The following ATP13A3 variants were observed in gnomAD, a reference collection of about 807,000 sequenced individuals.
The protein encoded by ATP13A3 is polyamine-transporting ATPase 13A3.
ATP13A3 carries 59 observed loss-of-function variants against 158.1 expected under a neutral mutation model. The observed-to-expected ratio is 0.37, with a 90% CI of 0.30 to 0.46. The LOEUF is 0.46. ATP13A3 is among the 20% of genes least tolerant of loss of function. The pLI is 1.00. For synonymous variants in ATP13A3, 491 were observed against 504.3 expected (o/e 0.97, Z 0.35); for missense variants, 1,166 against 1,525.2 (o/e 0.76, Z 3.92).
rs187953409 is a variant in ATP13A3, at chr3:194,494,117, C to G, written n.679G>C. ...GGGCCAAACTCTTGACCACTATAAC[C>G]AAATGAAGCCAGAGTGATTCACCAG... On this transcript the variant is annotated non_coding_transcript_exon_variant, in exon 2 of 33. Coordinates refer to the ATP13A3 transcript ENST00000687055. This position sits in a 1 kb window ranked among gnomAD's most constrained non-coding sequence, Gnocchi z 4.2. 443 of 398,548 alleles carry G rather than the reference C, an allele frequency of 1.1e-3. 2 individuals are homozygous for G. Among genetic ancestry groups the G allele is most frequent in the Non-Finnish European group, 1.6e-3 (359 of 226,062 alleles). 24.7% of individuals were successfully genotyped at this position (398,548 alleles called of 1,614,324 possible).
chr3:194,448,463 T>C lies in ATP13A3; in HGVS notation c.1144A>G (p.Arg382Gly), dbSNP rs922590049. The C allele has an allele frequency of 6.2e-7, 1 of 1,613,618 alleles. No individual in the cohort carries two copies. The highest frequency in any genetic ancestry group is 1.3e-5 in the African/African-American group (1 of 75,038). Reference sequence around the variant, plus strand: ...TAATTAAGATGTTTCCTACCTGTTCTAACAACTATGGCTTTGACGAGTTCT... The same window carrying C: ...TAATTAAGATGTTTCCTACCTGTTCCAACAACTATGGCTTTGACGAGTTCT... ...TGELVKAIVV[R>G]TGFSTSKGQL... is the part of the protein sequence containing the mutation. Residue 382 changes from arginine (R) to glycine (G), a missense_variant, in exon 12 of 34, where the codon AGA becomes GGA. Physicochemically the swap from Arg to Gly is moderately radical, Grantham distance 125. Transcript: ENST00000645319. The surrounding 1 kb of genome is among the most constrained non-coding windows in gnomAD (Gnocchi z 4.0).
In ATP13A3 at chr3:194,403,405, T is replaced by G. The variant is rs934248172; in HGVS notation, c.*2514A>C. On this transcript the variant is annotated 3_prime_UTR_variant, in exon 34 of 34. Transcript: ENST00000645319. ...TGCTAGAAGATACAAAACATATAGTTACCACTATTTATACTTGAGGGAGAA... is the reference window on the plus strand; with the variant it reads ...TGCTAGAAGATACAAAACATATAGTGACCACTATTTATACTTGAGGGAGAA... 6.6e-6 allele frequency: 1 copy of G among 152,334 alleles called. No individual in the cohort carries two copies. Among genetic ancestry groups the G allele is most frequent in the South Asian group, 2.1e-4 (1 of 4,828 alleles). 9.4% of individuals were successfully genotyped at this position (152,334 alleles called of 1,614,324 possible).
rs1721169786 is a variant in ATP13A3 at position 194,493,565 on chromosome 3, TGAACCCG to T, written n.746+478_746+484del. On this transcript the variant is annotated intron_variant and non_coding_transcript_variant, in intron 2 of 32. Transcript: ENST00000687055. ...AGGAGGCTGAGGTGGGAGAATCGCA[TGAACCCG>T]GAGGTGGAGGTTTGCAGTGAGCTGA... 7.2e-5 allele frequency among the ~76,000 whole-genome samples: 11 copies of T among 152,198 alleles called. 1 individual carries two copies. In the South Asian group the frequency reaches 2.3e-3, roughly 32 times the overall value.
intron 20 of ATP13A3, among the ~76,000 whole-genome samples, chr3:194,434,734 T>C (rs549410236): frequency 4.6e-5 from 7 of 152,252 alleles, no homozygotes; most frequent in Admixed American, 6.5e-5. Context: ...CTGGGCAGCA[T>C]AGTGAGACCC....
chr3:194,441,168 G>C (rs992161954), intron 16 of ATP13A3, 143 bp downstream of exon 16: 1 of 685,930 alleles, frequency 1.5e-6, no homozygotes, highest in Non-Finnish European at 2.3e-6. Context: ...AGTTGATGTA[G>C]CTTTAGAAAT....
At chr3:194,432,535 ATGACCT>A (rs1717302025) in intron 21 of ATP13A3, among the ~76,000 whole-genome samples, 1 of 152,198 alleles carries the variant, frequency 6.6e-6, no homozygotes, top group Admixed American at 6.5e-5. Context: ...ATATCTTCCT[ATGACCT>A]TTGGTACACA....
intron 7 of ATP13A3, 67 bp from the exon 8 acceptor site, chr3:194,456,029 G>C: frequency 1.0e-6 from 1 of 996,818 alleles, no homozygotes; most frequent in South Asian, 1.8e-5. Context: ...GAAAGGCATT[G>C]TATTAGGTAA....
In ATP13A3 at chr3:194,416,233, G is replaced by A. The variant is rs1229846751; in HGVS notation, c.3403-2394C>T. ...CCAGCACTTTGGGAGGCCACGGTGGGTGGATCGTGAGGTCAGGAGTTCGAT... is the reference window on the plus strand; with the variant it reads ...CCAGCACTTTGGGAGGCCACGGTGGATGGATCGTGAGGTCAGGAGTTCGAT... On this transcript the variant is annotated intron_variant, in intron 31 of 33. Coordinates refer to ENST00000645319, the MANE Select transcript of ATP13A3 (RefSeq NM_001367549.1). Among the ~76,000 whole-genome samples, 6 of 152,312 alleles carry A rather than the reference G, an allele frequency of 3.9e-5. 1 individual carries two copies. In the Middle Eastern group the frequency reaches 0.02, roughly 518 times the overall value.
chr3:194,479,484 GA>G (rs1235790900), intron 2 of ATP13A3, among the ~76,000 whole-genome samples: 7 of 151,802 alleles, frequency 4.6e-5, no homozygotes, highest in African/African-American at 1.5e-4. Flanking sequence ...AACTACAGAT[GA>G]AAATTGTAAA....
intron 2 of ATP13A3, among the ~76,000 whole-genome samples, chr3:194,479,698 TA>T (rs1313627429): frequency 2.6e-5 from 4 of 151,152 alleles, no homozygotes; most frequent in Middle Eastern, 3.5e-3. Context: ...AAGTCTTCTT[TA>T]AAAAAAAAGT....
At chr3:194,417,985 A>AAGGAAGGAAGGAAGGAAGGG (rs1422778675) in intron 31 of ATP13A3, among the ~76,000 whole-genome samples, 5 of 88,186 alleles carry the variant, frequency 5.7e-5, no homozygotes, top group East Asian at 6.3e-4. Context: ...GGAAGGAAGG[A>AAGGAAGGAAGGAAGGAAGGG]AGGGAGGGAG....
At position 194,437,717 on chromosome 3, in the gene ATP13A3, C is replaced by T. The variant is rs570387899; in HGVS notation, c.1828-144G>A. 213 of 790,730 alleles carry T rather than the reference C, an allele frequency of 2.7e-4. 2 individuals carry two copies. The African/African-American group carries it at 3.4e-3, about 12-fold the overall frequency. 49.0% of individuals were successfully genotyped at this position (790,730 alleles called of 1,614,324 possible). ...TTTTCAAAGTCAGGATTCAAGATTC[C>T]TTCTATACTACTTCCCATTTTTAAA... On this transcript the variant is annotated intron_variant, in intron 17 of 33. Transcript: ENST00000645319.
At chr3:194,475,277 T>G (rs1720477424) in intron 2 of ATP13A3, among the ~76,000 whole-genome samples, 1 of 152,208 alleles carries the variant, frequency 6.6e-6, no homozygotes, top group South Asian at 2.1e-4. Flanking sequence ...TACTGTGCAA[T>G]TTGAAACAAA....
At chr3:194,451,923 T>G (rs1191351586) in intron 10 of ATP13A3, 1 of 152,346 alleles carries the variant, frequency 6.6e-6, no homozygotes, top group Non-Finnish European at 1.5e-5. Context: ...TGAACTCATT[T>G]CTTTTCATCT....
rs1720993334 is a variant in ATP13A3, at chr3:194,486,657, C to G, written c.-180G>C. ...CAGGGACCGCGGGGGACCCGGCCGC[C>G]GCTGTCGCCGCCGCCGCCTCGCCTC... On this transcript the variant is annotated 5_prime_UTR_variant, in exon 1 of 34. Coordinates refer to ENST00000645319, the MANE Select transcript of ATP13A3 (RefSeq NM_001367549.1). 1 of 148,678 alleles carries G rather than the reference C, an allele frequency of 6.7e-6. No homozygotes were observed. Among genetic ancestry groups the G allele is most frequent in the African/African-American group, 2.4e-5 (1 of 40,948 alleles). 9.2% of individuals were successfully genotyped at this position (148,678 alleles called of 1,614,324 possible).
At chr3:194,419,503 T>C (rs1386148705) in intron 31 of ATP13A3, among the ~76,000 whole-genome samples, 2 of 152,144 alleles carry the variant, frequency 1.3e-5, no homozygotes, top group Non-Finnish European at 2.9e-5. Flanking sequence ...ATTTCATTAC[T>C]CAGAAAGTTT....
At chr3:194,450,071 G>C in intron 11 of ATP13A3, 74 bp downstream of exon 11, 2 of 1,474,850 alleles carry the variant, frequency 1.4e-6, no homozygotes, top group South Asian at 2.4e-5. Context: ...AGCTAATTTT[G>C]AAAAGGCTTA....
At chr3:194,446,885 C>A in intron 14 of ATP13A3, 42 bp downstream of exon 14, 1 of 1,487,830 alleles carries the variant, frequency 6.7e-7, no homozygotes. Context: ...TATTTAAACG[C>A]TACGAAGTAA....
In ATP13A3 at chr3:194,460,744, G is replaced by C. The variant is rs1444201406; in HGVS notation, c.139C>G (p.Leu47Val). ...ACCCGCCACTCAGGCATCCAATAGA[G>C]GAGGAGGAGGAGAAACCCACCAGAG... Reference protein sequence around the residue: ...ICSGGFLLLLLYWMPEWRVKA... With the variant: ...ICSGGFLLLLVYWMPEWRVKA... Residue 47 changes from leucine to valine, a missense_variant, in exon 4 of 34, where the codon CTC becomes GTC. Transcript: ENST00000645319. 6.2e-7 allele frequency: 1 copy of C among 1,609,408 alleles called. No individual in the cohort carries two copies. The highest frequency in any genetic ancestry group is 1.7e-5 in the Admixed American group (1 of 59,746).
Sources: allele counts gnomAD v4.1 joint callset (sites outside exome capture counted in the v4.1 genomes callset), GRCh38; gene constraint gnomAD v4.1.1; non-coding constraint Gnocchi (gnomAD v3.1); transcripts MANE v1.5; gene names NCBI Gene and HGNC (gene_info 2026-07-23, HGNC 2026-07-21).